Variants in PLEKHB1 observed in about 807,000 individuals in gnomAD.
PLEKHB1 encodes the protein pleckstrin homology domain-containing family B member 1.
Under a neutral mutation model 36.2 loss-of-function variants are expected in PLEKHB1, and 29 were observed. The ratio of observed to expected loss-of-function variants is 0.80; its 90% CI spans 0.60 to 1.09. PLEKHB1 has a LOEUF of 1.09. Among genes scored for constraint, PLEKHB1 ranks in the 50% least tolerant of loss-of-function variants. The probability of loss-of-function intolerance (pLI) is 0.00; values close to 1 mark genes in which losing one functional copy is unlikely to be tolerated. For synonymous variants in PLEKHB1, 138 were observed against 140.0 expected (o/e 0.99, Z 0.10); for missense variants, 330 against 348.2 (o/e 0.95, Z 0.42).
At chr11:73,658,969 G>T (rs563012800) in intron 6 of PLEKHB1, among the ~76,000 whole-genome samples, 91 of 152,106 alleles carry the variant, frequency 6.0e-4, no homozygotes, top group Non-Finnish European at 9.1e-4. Context: ...GCATTTATGG[G>T]GCTGGGTACT....
chr11:73,659,190 C>T (rs1264594213), intron 6 of PLEKHB1, among the ~76,000 whole-genome samples: 1 of 149,262 alleles, frequency 6.7e-6, no homozygotes, highest in Non-Finnish European at 1.5e-5. Flanking sequence ...CATGCCATTG[C>T]ACTCCAGCCT....
At chr11:73,651,998 GC>G in intron 4 of PLEKHB1, 108 bp downstream of exon 4, 1 of 979,536 alleles carries the variant, frequency 1.0e-6, no homozygotes, top group Non-Finnish European at 1.5e-6. Flanking sequence ...GGGCACTAAG[GC>G]CAGTCAGCAA....
At chr11:73,660,679 T>C (rs1945086996) in intron 6 of PLEKHB1, 74 bp from the exon 7 acceptor site, 3 of 1,387,206 alleles carry the variant, frequency 2.2e-6, no homozygotes, top group Non-Finnish European at 3.0e-6. Flanking sequence ...GAGAGGCCTG[T>C]GCCAGGCGTG....
chr11:73,661,398 GGAAGGGTAC>G lies in PLEKHB1; in HGVS notation c.596-63_596-55del. On this transcript the variant is annotated intron_variant, in intron 7 of 7. Transcript: ENST00000354190. The surrounding 1 kb of genome is among the most constrained non-coding windows in gnomAD (Gnocchi z 4.6). ...CACTGGGTTGGGCTGGAGTGATGCAGGAAGGGTACGAAGATCACTCTACTCCCTCCTAAG... is the reference window on the plus strand; with the variant it reads ...CACTGGGTTGGGCTGGAGTGATGCAGGAAGATCACTCTACTCCCTCCTAAG... 1 of 1,569,274 alleles carries G rather than the reference GGAAGGGTAC, an allele frequency of 6.4e-7. No homozygotes were observed. The highest frequency in any genetic ancestry group is 8.8e-7 in the Non-Finnish European group (1 of 1,142,492).
chr11:73,660,292 A>C (rs1945079180), intron 6 of PLEKHB1: 1 of 169,976 alleles, frequency 5.9e-6, no homozygotes, highest in Non-Finnish European at 1.3e-5. Context: ...TAAAAGACGC[A>C]TAACTGTATT....
Position 73,650,649 on chromosome 11 carries a change from A to G in PLEKHB1, c.191A>G (p.Asp64Gly). The G allele has an allele frequency of 6.2e-7, 1 of 1,611,964 alleles. No homozygotes were observed. Among genetic ancestry groups the G allele is most frequent in the Non-Finnish European group, 8.5e-7 (1 of 1,179,078 alleles). The change falls in exon 3 of 8, where the codon GAC becomes GGC. Residue 64 changes from aspartate (D) to glycine (G), a missense_variant. Physicochemically the swap from Asp to Gly is moderately conservative, Grantham distance 94. Coordinates refer to ENST00000354190, the MANE Select transcript of PLEKHB1 (RefSeq NM_021200.3). ...GATGAGACAGCGCAGGACGAGGAGG[A>G]CCGTGTGCTCATCCACTTCAATGTC... ...YHDETAQDEE[D>G]RVLIHFNVRD...
chr11:73,661,573 T>C lies in PLEKHB1; in HGVS notation c.703T>C (p.Ser235Pro), dbSNP rs1945124293. The change falls in exon 8 of 8, where the codon TCG (serine) becomes CCG (proline). Residue 235 changes from serine (S) to proline (P), a missense_variant. By Grantham distance (74) the Ser-to-Pro change is moderately conservative. Coordinates refer to ENST00000354190, the MANE Select transcript of PLEKHB1 (RefSeq NM_021200.3). This position sits in a 1 kb window ranked among gnomAD's most constrained non-coding sequence, Gnocchi z 4.6. ...AGAATGAALG[S>P]LMWSPCWF ...AGCCGCCACTGGGGCGGCGCTGGGC[T>C]CGCTCATGTGGTCGCCCTGCTGGTT... The C allele has an allele frequency of 6.2e-7, 1 of 1,603,922 alleles. No individual in the cohort carries two copies. Among genetic ancestry groups the C allele is most frequent in the African/African-American group, 1.3e-5 (1 of 74,602 alleles).
At chr11:73,651,446 C>T (rs1313217773) in intron 3 of PLEKHB1, 1 of 512,168 alleles carries the variant, frequency 2.0e-6, no homozygotes, top group African/African-American at 1.9e-5. Flanking sequence ...AGTTCCTGCC[C>T]TCCAGGCGCT....
In PLEKHB1 at chr11:73,658,915, C is replaced by A. The variant is rs931658589; in HGVS notation, c.496-1838C>A. 2.0e-5 allele frequency among the ~76,000 whole-genome samples: 3 copies of A among 152,190 alleles called. No individual in the cohort carries two copies. The East Asian group carries it at 5.8e-4, about 29-fold the overall frequency. ...TACAGGCATAAGCCGCTGTGCCTAG[C>A]CTTTCTTGATTTGAGTGCATGGTGA... On this transcript the variant is annotated intron_variant, in intron 6 of 7. Coordinates refer to ENST00000354190, the MANE Select transcript of PLEKHB1 (RefSeq NM_021200.3).
chr11:73,648,709 C>G (rs1944820319), intron 1 of PLEKHB1: 1 of 1,109,292 alleles, frequency 9.0e-7, no homozygotes, highest in Non-Finnish European at 1.1e-6. Flanking sequence ...GATCTAGAAA[C>G]TGAGACCAGG....
chr11:73,655,797 G>C lies in PLEKHB1; in HGVS notation c.391-6G>C, dbSNP rs188248772. The C allele has an allele frequency of 2.9e-4, 464 of 1,612,716 alleles. 1 individual carries two copies. In the African/African-American group the frequency reaches 5.6e-3, roughly 19 times the overall value. On this transcript the variant is annotated splice_region_variant and splice_polypyrimidine_tract_variant and intron_variant, in intron 5 of 7. Coordinates refer to ENST00000354190, the MANE Select transcript of PLEKHB1 (RefSeq NM_021200.3). ...CCTCCTTCTTGGGTTTCTGTGGCTT[G>C]AGCAGGCCCCAGCTGGAGCCACCGT...
At position 73,655,879 on chromosome 11, in the gene PLEKHB1, G is replaced by C. The variant is rs1404993961; in HGVS notation, c.467G>C (p.Ser156Thr). The part of the protein sequence containing the change: ...SKVRCVTRSW[S>T]PCKVERRIWV... ...GTCAGGTGTGTGACCCGCTCGTGGA[G>C]CCCCTGTAAGGTTGAGAGGCGGATC... The change falls in exon 6 of 8, where the codon AGC (serine) becomes ACC (threonine). Residue 156 changes from serine (S) to threonine (T), a missense_variant. Coordinates refer to ENST00000354190, the MANE Select transcript of PLEKHB1 (RefSeq NM_021200.3). 6.2e-7 allele frequency: 1 copy of C among 1,613,700 alleles called. No individual in the cohort carries two copies. The highest frequency in any genetic ancestry group is 1.3e-5 in the African/African-American group (1 of 74,888).
At chr11:73,652,952 G>T (rs765898804) in intron 4 of PLEKHB1, 23 bp from the exon 5 acceptor site, 64 of 1,600,568 alleles carry the variant, frequency 4.0e-5, no homozygotes, top group Non-Finnish European at 4.9e-5. Flanking sequence ...CCTCCTCATG[G>T]TCTGGTGGGA....
chr11:73,654,263 C>T (rs1191657367), intron 5 of PLEKHB1, among the ~76,000 whole-genome samples: 2 of 152,230 alleles, frequency 1.3e-5, no homozygotes, highest in African/African-American at 4.8e-5. Flanking sequence ...CAAAGCCCAG[C>T]TTGGCCTCCA....
rs746603363 is a variant in PLEKHB1, at chr11:73,660,838, G to C, written c.581G>C (p.Gly194Ala). The change falls in exon 7 of 8, where the codon GGA (glycine) becomes GCA (alanine). Residue 194 changes from glycine (G) to alanine (A), a missense_variant. By Grantham distance (60) the Gly-to-Ala change is moderately conservative. Coordinates refer to ENST00000354190, the MANE Select transcript of PLEKHB1 (RefSeq NM_021200.3). ...GCCACGTATGTCCGCAGCTACTACG[G>C]ACCGCCCTACGCAGGTAAGTCTCCA... ...HEATYVRSYY[G>A]PPYAGPGVTH... is the part of the protein sequence containing the mutation. 1.6e-3 allele frequency: 2,625 copies of C among 1,593,486 alleles called. 32 individuals carry two copies. The African/African-American group carries it at 0.031, about 19-fold the overall frequency.
At position 73,649,001 on chromosome 11, in the gene PLEKHB1, TC is replaced by T. The variant is rs1252744858; in HGVS notation, c.19-9del. On this transcript the variant is annotated splice_polypyrimidine_tract_variant and intron_variant, in intron 1 of 7. Transcript: ENST00000354190. ...TGCTGAGGCCTGTGTCTCCCGTGGC[TC>T]CTCTGACAGGTCCCGCCTGACTCCG... 5 of 1,585,020 alleles carry T rather than the reference TC, an allele frequency of 3.2e-6. No homozygotes were observed. In the African/African-American group the frequency reaches 6.7e-5, roughly 21 times the overall value.
chr11:73,649,434 G>C (rs182268564), intron 2 of PLEKHB1, among the ~76,000 whole-genome samples: 323 of 152,182 alleles, frequency 2.1e-3, no homozygotes, highest in African/African-American at 7.4e-3. Context: ...CTGTCTATCT[G>C]TGGGTATCCC....
In PLEKHB1 at chr11:73,651,899, C is replaced by G. The variant is rs1193627689; in HGVS notation, c.350+9C>G. The G allele has an allele frequency of 1.2e-6, 2 of 1,611,368 alleles. No individual in the cohort carries two copies. Among genetic ancestry groups the G allele is most frequent in the Non-Finnish European group, 1.7e-6 (2 of 1,178,710 alleles). Reference sequence around the variant, plus strand: ...ACCAAGGATGATGCCCTGTGAGTCACTCCCAGGAGAGGATGGGGTGGAATC... The same window carrying G: ...ACCAAGGATGATGCCCTGTGAGTCAGTCCCAGGAGAGGATGGGGTGGAATC... On this transcript the variant is annotated intron_variant, in intron 4 of 7. Transcript: ENST00000354190.
intron 6 of PLEKHB1, among the ~76,000 whole-genome samples, chr11:73,656,184 G>T (rs1490053088): frequency 6.6e-6 from 1 of 152,154 alleles, no homozygotes; most frequent in African/African-American, 2.4e-5. Flanking sequence ...CACCTCAAAG[G>T]CTGCCTGCCA....
Sources: gnomAD v4.1 joint callset for allele counts (sites outside exome capture counted in the v4.1 genomes callset) on GRCh38, gnomAD v4.1.1 for gene constraint, Gnocchi (gnomAD v3.1) non-coding constraint, MANE v1.5 for transcripts, NCBI Gene and HGNC (gene_info 2026-07-23, HGNC 2026-07-21) for gene names.